RNF115: variants seen among roughly 807,000 people sequenced by gnomAD.
RNF115 encodes the protein ring finger protein 115.
In RNF115, 31 loss-of-function variants were observed where a neutral mutation model predicts 39.2. That is an observed-to-expected ratio of 0.79 (90% CI 0.59 to 1.07). The LOEUF (loss-of-function observed/expected upper bound fraction) is 1.07, where lower values mean the gene tolerates loss of function less well. RNF115 is among the 50% of genes least tolerant of loss of function. The pLI is 0.00. For synonymous variants in RNF115, 124 were observed against 131.0 expected, an observed-to-expected ratio of 0.95 and a Z score of 0.37; for missense variants, 384 against 381.7, an observed-to-expected ratio of 1.01 and a Z score of -0.05.
At chr1:145,790,033 T>C (rs142475790) in intron 1 of RNF115, among the ~76,000 whole-genome samples, 192 of 152,268 alleles carry the variant, frequency 1.3e-3, no homozygotes, top group Non-Finnish European at 2.3e-3. Flanking sequence ...CTGGCAAATA[T>C]AGAATTCCAT....
At chr1:145,763,663 C>A (rs1658620155) in intron 4 of RNF115, among the ~76,000 whole-genome samples, 2 of 152,154 alleles carry the variant, frequency 1.3e-5, no homozygotes, top group Admixed American at 6.5e-5. Context: ...CACACCACTG[C>A]ACTGCAGCCT....
chr1:145,749,142 G>A (rs977701915), intron 7 of RNF115, among the ~76,000 whole-genome samples: 1 of 152,132 alleles, frequency 6.6e-6, no homozygotes, highest in African/African-American at 2.4e-5. Context: ...TAGTGGCTGG[G>A]ATATGCTCCA....
At position 145,785,727 on chromosome 1, in the gene RNF115, C is replaced by A. The variant is rs1559119948; in HGVS notation, c.162-1131G>T. Among the ~76,000 whole-genome samples, 2 of 152,174 alleles carry A rather than the reference C, an allele frequency of 1.3e-5. 1 individual carries two copies. Among genetic ancestry groups the A allele is most frequent in the Admixed American group, 1.3e-4 (2 of 15,282 alleles). The stretch of plus-strand genomic sequence containing the variant: ...GCTGAGCTCACTGAGGAAACAAACA[C>A]ACCCTAGTTAGTCTGAAACCAAAAG... On this transcript the variant is annotated intron_variant, in intron 2 of 8. Coordinates refer to ENST00000582693, the MANE Select transcript of RNF115 (RefSeq NM_014455.4).
chr1:145,802,303 G>T (rs1329651679), intron 1 of RNF115, among the ~76,000 whole-genome samples: 16 of 152,114 alleles, frequency 1.1e-4, no homozygotes, highest in Non-Finnish European at 1.3e-4. Context: ...TAGCCCTGAT[G>T]CTTACCCACT....
At chr1:145,804,475 T>C (rs1452045888) in intron 1 of RNF115, among the ~76,000 whole-genome samples, 2 of 146,686 alleles carry the variant, frequency 1.4e-5, no homozygotes, top group Non-Finnish European at 3.0e-5. Context: ...CATCATGTTG[T>C]CCACCTTAAA....
intron 2 of RNF115, chr1:145,786,912 G>T (rs1648406431): frequency 2.1e-6 from 1 of 465,736 alleles, no homozygotes; most frequent in Non-Finnish European, 3.9e-6. Context: ...ACATTTAACT[G>T]TATCAAAATA....
At chr1:145,789,700 CTTTTTTTTTTTTTT>C (rs67276251) in intron 1 of RNF115, among the ~76,000 whole-genome samples, 1 of 86,740 alleles carries the variant, frequency 1.2e-5, no homozygotes, top group South Asian at 4.3e-4. Context: ...ACCCGGACTT[CTTTTTTTTTTTTTT>C]TTTTTTTTTT....
At chr1:145,763,805 G>T (rs1658628972) in intron 4 of RNF115, among the ~76,000 whole-genome samples, 1 of 152,162 alleles carries the variant, frequency 6.6e-6, no homozygotes, top group Non-Finnish European at 1.5e-5. Context: ...TGGAAAACAT[G>T]AATGTGCTGG....
At chr1:145,792,577 A>G (rs1157925659) in intron 1 of RNF115, among the ~76,000 whole-genome samples, 1 of 152,186 alleles carries the variant, frequency 6.6e-6, no homozygotes, top group Non-Finnish European at 1.5e-5. Context: ...CAAATTTAAT[A>G]CAATAATTGC....
At chr1:145,799,972 A>G (rs1389347842) in intron 1 of RNF115, among the ~76,000 whole-genome samples, 7 of 152,206 alleles carry the variant, frequency 4.6e-5, no homozygotes, top group Non-Finnish European at 1.0e-4. Flanking sequence ...TCATGAAAGT[A>G]TGCTGGATCT....
intron 1 of RNF115, among the ~76,000 whole-genome samples, chr1:145,801,666 C>A (rs12759538): frequency 4.6e-5 from 7 of 152,192 alleles, no homozygotes; most frequent in African/African-American, 1.7e-4. Flanking sequence ...ATTAATACGT[C>A]AAGTCTTCAC....
chr1:145,764,032 G>T (rs1160914061), intron 4 of RNF115, among the ~76,000 whole-genome samples: 1 of 152,040 alleles, frequency 6.6e-6, no homozygotes, highest in Non-Finnish European at 1.5e-5. Flanking sequence ...TCCTGCCTCA[G>T]CCTGCCAAGT....
At chr1:145,815,536 G>T (rs1177097632) in intron 1 of RNF115, among the ~76,000 whole-genome samples, 3 of 152,272 alleles carry the variant, frequency 2.0e-5, no homozygotes, top group Non-Finnish European at 4.4e-5. Flanking sequence ...ATGGTAGGGT[G>T]TAGGAATGGA....
chr1:145,743,790 AT>A lies in RNF115; in HGVS notation c.*3075del, dbSNP rs5777574. 0.11 allele frequency: 7,707 copies of A among 69,494 alleles called. 325 individuals are homozygous for A. Among genetic ancestry groups the A allele is most frequent in the South Asian group, 0.23 (392 of 1,734 alleles). The allele number at this position is 69,494 out of a possible 1,614,324, so 4.3% of individuals were successfully genotyped here. ...AGCAAGCCTCCATCTCAAAAAATAA[AT>A]AAATAAATAAATAAATAAATAAATA... On this transcript the variant is annotated 3_prime_UTR_variant, in exon 9 of 9. Transcript: ENST00000582693.
chr1:145,811,191 A>AT, intron 1 of RNF115, among the ~76,000 whole-genome samples: 1 of 152,172 alleles, frequency 6.6e-6, no homozygotes, highest in African/African-American at 2.4e-5. Flanking sequence ...TATGCACTAA[A>AT]TGTCCAGAAA....
At position 145,741,184 on chromosome 1, in the gene RNF115, A is replaced by G. The variant is rs1424530438; in HGVS notation, c.*5682T>C. The stretch of plus-strand genomic sequence containing the variant: ...TCTTGAAAATTGTATTTCTTATTAG[A>G]AAAAGTAAAGAATCACAGGCTTACA... On this transcript the variant is annotated 3_prime_UTR_variant, in exon 9 of 9. Coordinates refer to ENST00000582693, the MANE Select transcript of RNF115 (RefSeq NM_014455.4). The G allele has an allele frequency of 6.6e-6, 1 of 152,184 alleles. No individual in the cohort carries two copies. Among genetic ancestry groups the G allele is most frequent in the African/African-American group, 2.4e-5 (1 of 41,446 alleles). The allele number at this position is 152,184 out of a possible 1,614,324, so 9.4% of individuals were successfully genotyped here. A position where few individuals can be genotyped will look rare whatever the true frequency, so the allele number is the denominator to read the frequency against.
intron 1 of RNF115, among the ~76,000 whole-genome samples, chr1:145,794,665 TCTCA>T (rs1256446077): frequency 3.3e-5 from 5 of 151,740 alleles, no homozygotes; most frequent in African/African-American, 9.7e-5. Flanking sequence ...GGGTTCTTGG[TCTCA>T]CTGACTTCAA....
chr1:145,819,582 G>A (rs587629481), intron 1 of RNF115, among the ~76,000 whole-genome samples: 3 of 152,280 alleles, frequency 2.0e-5, no homozygotes, highest in Admixed American at 6.5e-5. Flanking sequence ...AAAAATCGAG[G>A]AGGGACTCTT....
At chr1:145,786,724 T>C (rs1336830452) in intron 2 of RNF115, among the ~76,000 whole-genome samples, 5 of 152,244 alleles carry the variant, frequency 3.3e-5, no homozygotes, top group African/African-American at 9.6e-5. Context: ...AACCAATATA[T>C]CTTTTAATTA....
Sources: allele counts gnomAD v4.1 joint callset (sites outside exome capture counted in the v4.1 genomes callset), GRCh38; gene constraint gnomAD v4.1.1; transcripts MANE v1.5; gene names NCBI Gene and HGNC (gene_info 2026-07-23, HGNC 2026-07-21).